TRIO: variants seen among roughly 807,000 people sequenced by gnomAD.
The protein encoded by TRIO is trio Rho guanine nucleotide exchange factor.
TRIO carries 58 observed loss-of-function variants against 351.9 expected under a neutral mutation model. The observed-to-expected ratio is 0.16, with a 90% CI of 0.13 to 0.21. The LOEUF is 0.21. Ranked by LOEUF, TRIO falls within the 10% of genes least tolerant of loss-of-function variation. TRIO has a pLI of 1.00. For synonymous variants in TRIO, 1,758 were observed against 1,595.7 expected (o/e 1.10, Z -2.42); for missense variants, 3,201 against 4,027.8 (o/e 0.79, Z 5.56).
At chr5:14,502,751 G>A in intron 54 of TRIO, 94 bp downstream of exon 54, 1 of 1,201,822 alleles carries the variant, frequency 8.3e-7, no homozygotes, top group Non-Finnish European at 1.2e-6. Context: ...GTGTTATCTT[G>A]CCAGCAATTG....
intron 1 of TRIO, among the ~76,000 whole-genome samples, chr5:14,225,835 C>T (rs961426813): frequency 4.5e-5 from 5 of 112,170 alleles, no homozygotes; most frequent in African/African-American, 1.6e-4. Flanking sequence ...ATACAAGGGG[C>T]ATAACAACGG....
chr5:14,196,192 G>A (rs1257285112), intron 1 of TRIO, among the ~76,000 whole-genome samples: 1 of 152,034 alleles, frequency 6.6e-6, no homozygotes, highest in Non-Finnish European at 1.5e-5. Context: ...AGGCTGAGAC[G>A]GGGTGGATCA....
intron 1 of TRIO, among the ~76,000 whole-genome samples, chr5:14,145,194 A>G (rs1787430781): frequency 6.6e-6 from 1 of 152,196 alleles, no homozygotes; most frequent in Non-Finnish European, 1.5e-5. Context: ...ATTCGGTGAG[A>G]TCAGTTCCCC....
intron 11 of TRIO, among the ~76,000 whole-genome samples, chr5:14,343,495 A>G (rs1742133861): frequency 6.6e-6 from 1 of 152,212 alleles, no homozygotes; most frequent in Non-Finnish European, 1.5e-5. Context: ...TGTTACATAA[A>G]TGGAGTCATG....
intron 2 of TRIO, among the ~76,000 whole-genome samples, chr5:14,272,748 C>T (rs988219149): frequency 6.6e-6 from 1 of 152,100 alleles, no homozygotes; most frequent in African/African-American, 2.4e-5. Context: ...TAATTTATGA[C>T]CAGAACTGGC....
rs1320480206 is a variant in TRIO, at chr5:14,419,834, C to A, written c.5016C>A (p.Ser1672Arg). The A allele has an allele frequency of 6.8e-6, 11 of 1,614,110 alleles. No individual in the cohort carries two copies. Among genetic ancestry groups the A allele is most frequent in the Admixed American group, 1.7e-5 (1 of 60,002 alleles). The stretch of plus-strand genomic sequence containing the variant: ...TCCATGACTTCACCGCTTGCAACAG[C>A]AACGAGCTGACCATCCGACGGGGCC... ...VVIHDFTACN[S>R]NELTIRRGQT... Residue 1672 changes from serine to arginine, a missense_variant, in exon 34 of 57, where the codon AGC becomes AGA. Around this residue, in one of 19 missense-constraint regions of TRIO, gnomAD observed 136 missense variants for 229.5 expected, o/e 0.59. Coordinates refer to ENST00000344204, the MANE Select transcript of TRIO (RefSeq NM_007118.4).
At chr5:14,485,422 CTAT>C (rs1269054625) in intron 47 of TRIO, among the ~76,000 whole-genome samples, 176 bp downstream of exon 47, 2 of 152,172 alleles carry the variant, frequency 1.3e-5, no homozygotes, top group Non-Finnish European at 2.9e-5. Context: ...GTGGCCAGTA[CTAT>C]TATTATTCCT....
rs374834393 is a variant in TRIO, at chr5:14,476,927, A to G, written c.6117A>G (p.Glu2039=). Residue 2039 remains glutamate (E), a synonymous_variant, in exon 41 of 57, where the codon GAA becomes GAG. Coordinates refer to ENST00000344204, the MANE Select transcript of TRIO (RefSeq NM_007118.4). The stretch of plus-strand genomic sequence containing the variant: ...TAGGAGAGTTAGAGAAGTGCCTTGA[A>G]GATCCAGAAAAACTAGGATCCCTTT... ...FFLGELEKCL[E]DPEKLGSLFV... 3.1e-6 allele frequency: 5 copies of G among 1,614,122 alleles called. No individual in the cohort carries two copies. Among genetic ancestry groups the G allele is most frequent in the Non-Finnish European group, 4.2e-6 (5 of 1,180,004 alleles).
intron 3 of TRIO, among the ~76,000 whole-genome samples, chr5:14,283,650 G>A (rs1333003045): frequency 3.9e-5 from 6 of 151,968 alleles, no homozygotes; most frequent in African/African-American, 1.5e-4. Context: ...GTTTTCTTCT[G>A]CATGCTTTCT....
rs1232091058 is a variant in TRIO at position 14,390,318 on chromosome 5, A to G, written c.4128+18A>G. ...TTACTTGGGTAATGAAACCTCAACC[A>G]TTTGTTCTCTCCCAGCTATTAGGTG... On this transcript the variant is annotated intron_variant, in intron 26 of 56. Coordinates refer to ENST00000344204, the MANE Select transcript of TRIO (RefSeq NM_007118.4). 2 of 1,612,570 alleles carry G rather than the reference A, an allele frequency of 1.2e-6. No homozygotes were observed. The highest frequency in any genetic ancestry group is 8.5e-7 in the Non-Finnish European group (1 of 1,179,154).
chr5:14,225,682 T>G (rs1450292789), intron 1 of TRIO, among the ~76,000 whole-genome samples: 1 of 152,072 alleles, frequency 6.6e-6, no homozygotes, highest in Non-Finnish European at 1.5e-5. Context: ...TTTTAAAGGC[T>G]TCCCTTGATG....
intron 1 of TRIO, among the ~76,000 whole-genome samples, chr5:14,200,301 C>A (rs1472788969): frequency 6.6e-6 from 1 of 152,202 alleles, no homozygotes; most frequent in East Asian, 1.9e-4. Context: ...GCCACCTGCT[C>A]AAGAGAGAAG....
chr5:14,207,075 A>G (rs1045811776), intron 1 of TRIO, among the ~76,000 whole-genome samples: 7 of 152,218 alleles, frequency 4.6e-5, no homozygotes, highest in Non-Finnish European at 1.0e-4. Flanking sequence ...TATGAACAAC[A>G]TAAGAAAAAA....
intron 20 of TRIO, among the ~76,000 whole-genome samples, chr5:14,379,101 C>G (rs1400335797): frequency 6.6e-6 from 1 of 152,152 alleles, no homozygotes; most frequent in African/African-American, 2.4e-5. Context: ...TTTGGGGGGT[C>G]TGGAGGGAAG....
At chr5:14,312,292 A>G (rs1317313069) in intron 8 of TRIO, among the ~76,000 whole-genome samples, 3 of 152,236 alleles carry the variant, frequency 2.0e-5, no homozygotes, top group African/African-American at 7.2e-5. Context: ...TCTACATTTT[A>G]AATAGTTATA....
In TRIO at chr5:14,374,281, G is replaced by A; in HGVS notation, c.3269G>A (p.Arg1090Lys). Residue 1090 changes from arginine to lysine, a missense_variant, in exon 19 of 57, where the codon AGG becomes AAG. Coordinates refer to ENST00000344204, the MANE Select transcript of TRIO (RefSeq NM_007118.4). ...NADVFLKYLH[R>K]NSVNMPGMVT... ...GACGTCTTCCTGAAATACCTGCACA[G>A]GAACAGCGTGAACATGCCAGGAATG... is the stretch of plus-strand genomic sequence containing the variant. 6.2e-7 allele frequency: 1 copy of A among 1,613,798 alleles called. No homozygotes were observed. Among genetic ancestry groups the A allele is most frequent in the Non-Finnish European group, 8.5e-7 (1 of 1,179,790 alleles).
In TRIO at chr5:14,509,758, C is replaced by T. The variant is rs1379312384; in HGVS notation, c.*1336C>T. On this transcript the variant is annotated 3_prime_UTR_variant, in exon 57 of 57. Coordinates refer to ENST00000344204, the MANE Select transcript of TRIO (RefSeq NM_007118.4). ...AGCATTCGCACTGGTGTGGGGAGTC[C>T]TTTCAACTCAAGGAGGCTGGGTTTC... The T allele has an allele frequency of 9.3e-6, 2 of 215,596 alleles. No individual in the cohort carries two copies. Among genetic ancestry groups the T allele is most frequent in the Non-Finnish European group, 1.9e-5 (2 of 107,364 alleles). 13.4% of individuals were successfully genotyped at this position (215,596 alleles called of 1,614,324 possible). A position where few individuals can be genotyped will look rare whatever the true frequency, so the allele number is the denominator to read the frequency against.
Position 14,399,634 on chromosome 5 carries a change from G to A in TRIO, c.4614+564G>A, listed in dbSNP as rs147538364. Among the ~76,000 whole-genome samples the A allele has an allele frequency of 2.1e-3, 323 of 152,290 alleles. 2 individuals are homozygous for A. Among genetic ancestry groups the A allele is most frequent in the African/African-American group, 7.6e-3 (314 of 41,556 alleles). On this transcript the variant is annotated intron_variant, in intron 30 of 56. Coordinates refer to ENST00000344204, the MANE Select transcript of TRIO (RefSeq NM_007118.4). ...GGAGACAGCTGCCCCTGAGTGCTTG[G>A]CAGATCCGGTGATGCATTTTAATTC...
At chr5:14,486,719 C>T (rs1755942946) in intron 47 of TRIO, among the ~76,000 whole-genome samples, 1 of 152,142 alleles carries the variant, frequency 6.6e-6, no homozygotes, top group African/African-American at 2.4e-5. Flanking sequence ...AAGGAGATCG[C>T]TCATGGGCTG....
Sources: gnomAD v4.1 joint callset for allele counts (sites outside exome capture counted in the v4.1 genomes callset) on GRCh38, gnomAD v4.1.1 for gene constraint, gnomAD v4.1.1 regional missense constraint, MANE v1.5 for transcripts, NCBI Gene and HGNC (gene_info 2026-07-23, HGNC 2026-07-21) for gene names.